The following TMPRSS6 variants were observed in gnomAD, a reference collection of about 807,000 sequenced individuals.
The protein encoded by TMPRSS6 is transmembrane serine protease 6.
In TMPRSS6, 67 loss-of-function variants were observed where a neutral mutation model predicts 101.5. That is an observed-to-expected ratio of 0.66 (90% CI 0.54 to 0.81). The LOEUF is 0.81. Among genes scored for constraint, TMPRSS6 ranks in the 30% least tolerant of loss-of-function variants. The pLI is 0.00. For synonymous variants in TMPRSS6, 453 were observed against 464.9 expected (o/e 0.97, Z 0.33); for missense variants, 1,034 against 1,088.7 (o/e 0.95, Z 0.71).
At chr22:37,095,655 T>G in intron 5 of TMPRSS6, 63 bp from the exon 6 acceptor site, 1 of 1,428,570 alleles carries the variant, frequency 7.0e-7, no homozygotes, top group Non-Finnish European at 9.3e-7. Flanking sequence ...GAAAAGAAAA[T>G]ACAATGAAAA....
chr22:37,099,382 T>C (rs1258957335), intron 2 of TMPRSS6, among the ~76,000 whole-genome samples: 2 of 152,198 alleles, frequency 1.3e-5, no homozygotes, highest in Admixed American at 6.5e-5. Flanking sequence ...ATTGGGTCTT[T>C]ACCCGATGAA....
In TMPRSS6 at chr22:37,070,615, A is replaced by T; in HGVS notation, c.1710T>A (p.Gly570=). 6.2e-7 allele frequency: 1 copy of T among 1,613,066 alleles called. No individual in the cohort carries two copies. Among genetic ancestry groups the T allele is most frequent in the Non-Finnish European group, 8.5e-7 (1 of 1,179,976 alleles). The change falls in exon 15 of 18, where the codon GGT becomes GGA. Residue 570 remains glycine, a synonymous_variant. Coordinates refer to ENST00000676104, the MANE Select transcript of TMPRSS6 (RefSeq NM_001374504.1). ...ACTCACCCTCGGAGGACACAGCTCC[A>T]CCAACAATGCGGCTGGAGGGGCCCT... The part of the protein sequence containing the change: ...GLQGPSSRIV[G]GAVSSEGEWP...
chr22:37,073,993 C>T (rs1214134978), intron 12 of TMPRSS6, among the ~76,000 whole-genome samples: 2 of 152,156 alleles, frequency 1.3e-5, no homozygotes, highest in African/African-American at 2.4e-5. Flanking sequence ...AGGTGATCCG[C>T]TCGACTCCGC....
At position 37,097,816 on chromosome 22, in the gene TMPRSS6, C is replaced by T. The variant is rs1327202511; in HGVS notation, c.336+600G>A. ...CCGTCCTGTAACGGAGGGGCAGGAGCGGCCACCGTCCTGTAACGGAGGGGG... is the reference window on the plus strand; with the variant it reads ...CCGTCCTGTAACGGAGGGGCAGGAGTGGCCACCGTCCTGTAACGGAGGGGG... On this transcript the variant is annotated intron_variant, in intron 3 of 17. Transcript: ENST00000676104. Among the ~76,000 whole-genome samples, 32 of 98,136 alleles carry T rather than the reference C, an allele frequency of 3.3e-4. 1 individual carries two copies. Among genetic ancestry groups the T allele is most frequent in the African/African-American group, 7.6e-4 (19 of 25,088 alleles). The allele number at this position is 98,136 out of a possible 152,430, so 64.4% of individuals were successfully genotyped here. A position where few individuals can be genotyped will look rare whatever the true frequency, so the allele number is the denominator to read the frequency against.
intron 8 of TMPRSS6, 27 bp downstream of exon 8, chr22:37,086,256 C>T: frequency 6.2e-7 from 1 of 1,614,116 alleles, no homozygotes; most frequent in Non-Finnish European, 8.5e-7. Flanking sequence ...CACCCCTCCC[C>T]TGCCCCAGGG....
intron 1 of TMPRSS6, among the ~76,000 whole-genome samples, chr22:37,108,911 T>G (rs565856992): frequency 6.6e-6 from 1 of 152,020 alleles, no homozygotes; most frequent in African/African-American, 2.4e-5. Context: ...TCCACACATA[T>G]AAACACACTC....
intron 16 of TMPRSS6, among the ~76,000 whole-genome samples, chr22:37,068,462 A>G (rs965524242): frequency 6.6e-6 from 1 of 152,176 alleles, no homozygotes; most frequent in Non-Finnish European, 1.5e-5. Context: ...GTGTCCCCAA[A>G]ACTGTGCGGT....
At chr22:37,073,942 T>A (rs1601526516) in intron 12 of TMPRSS6, among the ~76,000 whole-genome samples, 1 of 152,050 alleles carries the variant, frequency 6.6e-6, no homozygotes, top group African/African-American at 2.4e-5. Flanking sequence ...AGAGACGGGG[T>A]TTCACCATGT....
intron 17 of TMPRSS6, 111 bp from the exon 18 acceptor site, chr22:37,066,349 G>T: frequency 9.1e-7 from 1 of 1,103,782 alleles, no homozygotes; most frequent in Non-Finnish European, 1.3e-6. Context: ...GGGTGCCAGA[G>T]TCACGTTCAG....
intron 1 of TMPRSS6, among the ~76,000 whole-genome samples, chr22:37,108,316 A>G (rs2146202324): frequency 6.6e-6 from 1 of 152,180 alleles, no homozygotes; most frequent in East Asian, 1.9e-4. Flanking sequence ...CTCAGTTCAG[A>G]CCTCACCTCT....
At chr22:37,085,692 G>A (rs1396709762) in intron 8 of TMPRSS6, among the ~76,000 whole-genome samples, 14 of 152,212 alleles carry the variant, frequency 9.2e-5, no homozygotes, top group African/African-American at 2.6e-4. Context: ...GGGAGGTCCC[G>A]AAGCAGGAGG....
rs1928045344 is a variant in TMPRSS6 at position 37,079,023 on chromosome 22, G to GAAAGAAAGAGAA, written c.1197-3744_1197-3743insTTCTCTTTCTTT. The stretch of plus-strand genomic sequence containing the variant: ...AAAGAAAGAAAGAAAGAAAGAGAAA[G>GAAAGAAAGAGAA]AGAGAAAGAAAGAAAAGCCCCGAAA... On this transcript the variant is annotated intron_variant, in intron 10 of 17. Transcript: ENST00000676104. Among the ~76,000 whole-genome samples the GAAAGAAAGAGAA allele has an allele frequency of 1.3e-4, 19 of 147,664 alleles. 1 individual carries two copies. In the South Asian group the frequency reaches 4.2e-3, roughly 32 times the overall value.
intron 10 of TMPRSS6, among the ~76,000 whole-genome samples, chr22:37,077,797 T>C (rs1443366653): frequency 6.6e-6 from 1 of 152,262 alleles, no homozygotes; most frequent in Non-Finnish European, 1.5e-5. Flanking sequence ...TTTAAAATTT[T>C]GTTTCAATTT....
Position 37,089,562 on chromosome 22 carries a change from C to CAACA in TMPRSS6, c.836+15_836+16insTGTT. 1 of 1,595,696 alleles carries CAACA rather than the reference C, an allele frequency of 6.3e-7. No individual in the cohort carries two copies. On this transcript the variant is annotated intron_variant, in intron 7 of 17. Coordinates refer to ENST00000676104, the MANE Select transcript of TMPRSS6 (RefSeq NM_001374504.1). ...TTTTCCAGCCCTCCCTCCTGCCCTC[C>CAACA]TTCCCAGGGACTCACGAGGTGATGA...
intron 10 of TMPRSS6, among the ~76,000 whole-genome samples, chr22:37,079,493 G>A (rs1367383526): frequency 6.6e-6 from 1 of 152,202 alleles, no homozygotes; most frequent in Non-Finnish European, 1.5e-5. Context: ...GTGGGTGGAT[G>A]AATGCACACC....
At chr22:37,073,329 G>A (rs1601525283) in intron 13 of TMPRSS6, among the ~76,000 whole-genome samples, 1 of 146,918 alleles carries the variant, frequency 6.8e-6, no homozygotes. Context: ...ATGGACAGAC[G>A]GTGATTGGAG....
intron 10 of TMPRSS6, among the ~76,000 whole-genome samples, chr22:37,076,099 G>A (rs1927650937): frequency 6.6e-6 from 1 of 152,116 alleles, no homozygotes; most frequent in African/African-American, 2.4e-5. Context: ...AAGAAAGAAA[G>A]GAAAAATTAT....
intron 7 of TMPRSS6, among the ~76,000 whole-genome samples, chr22:37,086,636 C>T (rs1343240996): frequency 1.3e-5 from 2 of 152,160 alleles, no homozygotes; most frequent in Non-Finnish European, 2.9e-5. Flanking sequence ...ACCAGGCTAG[C>T]TCCTCGGGTG....
At chr22:37,098,221 G>A (rs1229217030) in intron 3 of TMPRSS6, among the ~76,000 whole-genome samples, 195 bp downstream of exon 3, 3 of 152,076 alleles carry the variant, frequency 2.0e-5, no homozygotes, top group Non-Finnish European at 2.9e-5. Flanking sequence ...GATCTAATCC[G>A]AGTGCTATTG....
Sources: gnomAD v4.1 joint callset for allele counts (sites outside exome capture counted in the v4.1 genomes callset) on GRCh38, gnomAD v4.1.1 for gene constraint, MANE v1.5 for transcripts, NCBI Gene and HGNC (gene_info 2026-07-23, HGNC 2026-07-21) for gene names.